The following GAPVD1 variants were observed in gnomAD, a reference collection of about 807,000 sequenced individuals.
GAPVD1 encodes the protein GTPase-activating protein and VPS9 domain-containing protein 1.
Under a neutral mutation model 155.5 loss-of-function variants are expected in GAPVD1, and 35 were observed. That is an observed-to-expected ratio of 0.23 (90% CI 0.17 to 0.30). The LOEUF is 0.30. Among genes scored for constraint, GAPVD1 ranks in the 10% least tolerant of loss-of-function variants. The pLI is 1.00. For missense variants in GAPVD1, 1,429 were observed against 1,775.7 expected (o/e 0.80, Z 3.51); for synonymous variants, 636 against 619.7 (o/e 1.03, Z -0.39).
At chr9:125,282,263 G>A (rs1410520079) in intron 2 of GAPVD1, among the ~76,000 whole-genome samples, 1 of 152,138 alleles carries the variant, frequency 6.6e-6, no homozygotes, top group African/African-American at 2.4e-5. Context: ...TGGCAACAGA[G>A]CGAGACTCCG....
Position 125,305,118 on chromosome 9 carries a change from G to A in GAPVD1, c.1085G>A (p.Arg362Gln), listed in dbSNP as rs763743929. ...ACTGGCTCTGAAGAGGGAGATCCCC[G>A]AACAAAGAGCAGCCTTGGAAAGTTT... Reference protein sequence around the residue: ...AMTGSEEGDPRTKSSLGKFDK... With the variant: ...AMTGSEEGDPQTKSSLGKFDK... Residue 362 changes from arginine (R) to glutamine (Q), a missense_variant, in exon 6 of 28, where the codon CGA becomes CAA. By Grantham distance (43) the Arg-to-Gln change is conservative. Transcript: ENST00000297933. 8.1e-6 allele frequency: 13 copies of A among 1,613,750 alleles called. No homozygotes were observed. Among genetic ancestry groups the A allele is most frequent in the East Asian group, 6.7e-5 (3 of 44,866 alleles).
chr9:125,310,020 G>C (rs1842436173), intron 8 of GAPVD1: 1 of 416,322 alleles, frequency 2.4e-6, no homozygotes, highest in African/African-American at 2.1e-5. Context: ...GTGGGTAATA[G>C]GCTGTTCTTC....
At chr9:125,350,532 A>G in intron 22 of GAPVD1, 128 bp downstream of exon 22, 1 of 733,920 alleles carries the variant, frequency 1.4e-6, no homozygotes, top group South Asian at 1.7e-5. Flanking sequence ...TTACATTAGT[A>G]TCACTTAAGG....
rs1479159171 is a variant in GAPVD1 at position 125,293,830 on chromosome 9, A to ATAT, written c.-149-1628_-149-1627insTAT. Among the ~76,000 whole-genome samples the ATAT allele has an allele frequency of 4.8e-4, 56 of 116,008 alleles. 2 individuals carry two copies. Among genetic ancestry groups the ATAT allele is most frequent in the African/African-American group, 1.8e-3 (52 of 28,238 alleles). The allele number at this position is 116,008 out of a possible 152,430, so 76.1% of individuals were successfully genotyped here. A position where few individuals can be genotyped will look rare whatever the true frequency, so the allele number is the denominator to read the frequency against. ...TATATTTATATATGAAATATAAAAA[A>ATAT]ATATATATATAAAAATATATTTTAT... On this transcript the variant is annotated intron_variant, in intron 2 of 27. Coordinates refer to ENST00000297933, the MANE Select transcript of GAPVD1 (RefSeq NM_001282680.3).
chr9:125,355,723 C>G lies in GAPVD1; in HGVS notation c.3837C>G (p.Ala1279=), dbSNP rs1032351271. The change falls in exon 25 of 28, where the codon GCC becomes GCG. Residue 1279 remains alanine (A), a synonymous_variant. Coordinates refer to ENST00000297933, the MANE Select transcript of GAPVD1 (RefSeq NM_001282680.3). ...DFLQFLYGAM[A]QDVIWQNASE... Reference sequence around the variant, plus strand: ...TGCAGTTTCTTTATGGTGCAATGGCCCAGGATGTCATATGGCAAAACGCGA... The same window carrying G: ...TGCAGTTTCTTTATGGTGCAATGGCGCAGGATGTCATATGGCAAAACGCGA... 10 of 1,613,056 alleles carry G rather than the reference C, an allele frequency of 6.2e-6. No individual in the cohort carries two copies. The highest frequency in any genetic ancestry group is 8.5e-6 in the Non-Finnish European group (10 of 1,179,206).
chr9:125,305,194 G>T (rs747408879), intron 6 of GAPVD1, 45 bp downstream of exon 6: 6 of 1,227,350 alleles, frequency 4.9e-6, no homozygotes, highest in African/African-American at 1.5e-5. Context: ...GTATTAGTGA[G>T]CCTAACTGTT....
intron 5 of GAPVD1, among the ~76,000 whole-genome samples, chr9:125,303,633 A>G (rs1841303896): frequency 6.6e-6 from 1 of 151,912 alleles, no homozygotes; most frequent in African/African-American, 2.4e-5. Context: ...AAAATTAGCC[A>G]GGTGTGGTGT....
chr9:125,281,435 C>T (rs1001454006), intron 2 of GAPVD1, among the ~76,000 whole-genome samples: 1 of 151,872 alleles, frequency 6.6e-6, no homozygotes, highest in African/African-American at 2.4e-5. Context: ...AGGTGGGAGC[C>T]ACTGTGCCCA....
chr9:125,310,720 T>C (rs934361226), intron 8 of GAPVD1, among the ~76,000 whole-genome samples: 2 of 151,706 alleles, frequency 1.3e-5, no homozygotes, highest in African/African-American at 4.8e-5. Context: ...GTATTTTTAG[T>C]AGAGATGGGT....
chr9:125,270,999 G>A (rs936575052), intron 2 of GAPVD1, among the ~76,000 whole-genome samples: 2 of 152,052 alleles, frequency 1.3e-5, no homozygotes, highest in African/African-American at 4.8e-5. Context: ...ACTACATAGG[G>A]GTTTCTATAA....
intron 10 of GAPVD1, among the ~76,000 whole-genome samples, chr9:125,322,460 C>CA (rs1296276513): frequency 4.6e-5 from 7 of 151,754 alleles, no homozygotes; most frequent in South Asian, 2.1e-4. Flanking sequence ...CTGACTTTTC[C>CA]AAAAAAATGA....
intron 2 of GAPVD1, among the ~76,000 whole-genome samples, chr9:125,274,279 A>G (rs1447028577): frequency 2.0e-5 from 3 of 151,920 alleles, no homozygotes; most frequent in Admixed American, 2.0e-4. Flanking sequence ...CGGCCTCTCA[A>G]AGTGTTGGGA....
At chr9:125,317,623 CT>C (rs755799414) in intron 9 of GAPVD1, among the ~76,000 whole-genome samples, 1,721 of 128,998 alleles carry the variant, frequency 0.013, 88 homozygotes, top group East Asian at 0.092. Context: ...GAAACTCTGT[CT>C]CAAAAAAAAA....
intron 1 of GAPVD1, among the ~76,000 whole-genome samples, chr9:125,264,691 C>T (rs1313728244): frequency 2.7e-5 from 4 of 150,736 alleles, no homozygotes; most frequent in Non-Finnish European, 4.4e-5. Flanking sequence ...TTACTGTTTG[C>T]TGGTTTTCTT....
rs1383372426 is a variant in GAPVD1, at chr9:125,323,625, C to T, written c.1733-173C>T. 3.3e-5 allele frequency among the ~76,000 whole-genome samples: 5 copies of T among 152,104 alleles called. 1 individual carries two copies. Among genetic ancestry groups the T allele is most frequent in the Admixed American group, 1.3e-4 (2 of 15,268 alleles). ...CAGCAGATTAATTTGTTATTAGCAC[C>T]TTAGGATAAATTCCTAGAAGCAGAA... is the stretch of plus-strand genomic sequence containing the variant. On this transcript the variant is annotated intron_variant, in intron 10 of 27. Coordinates refer to ENST00000297933, the MANE Select transcript of GAPVD1 (RefSeq NM_001282680.3).
chr9:125,283,004 C>T (rs1837026573), intron 2 of GAPVD1, among the ~76,000 whole-genome samples: 8 of 151,060 alleles, frequency 5.3e-5, no homozygotes, highest in Admixed American at 4.6e-4. Context: ...TGAATTCTAG[C>T]TGTTACTTAA....
chr9:125,312,574 G>A lies in GAPVD1; in HGVS notation c.1564G>A (p.Gly522Ser). ...EEVLVISLGT[G>S]PQLTPGMMSE... ...GGTGTTGGTCATTTCCTTAGGTACAGGTCCCCAGCTTACTCCAGGGATGAT... is the reference window on the plus strand; with the variant it reads ...GGTGTTGGTCATTTCCTTAGGTACAAGTCCCCAGCTTACTCCAGGGATGAT... The change falls in exon 9 of 28, where the codon GGT (glycine) becomes AGT (serine). Residue 522 changes from glycine to serine, a missense_variant. Coordinates refer to ENST00000297933, the MANE Select transcript of GAPVD1 (RefSeq NM_001282680.3). 1 of 1,598,518 alleles carries A rather than the reference G, an allele frequency of 6.3e-7. No individual in the cohort carries two copies. The highest frequency in any genetic ancestry group is 8.5e-7 in the Non-Finnish European group (1 of 1,175,822).
chr9:125,266,195 C>T (rs183547973), intron 1 of GAPVD1, among the ~76,000 whole-genome samples: 3 of 149,090 alleles, frequency 2.0e-5, no homozygotes, highest in Non-Finnish European at 3.0e-5. Flanking sequence ...TGCGCGATCT[C>T]GGCTCACTGC....
chr9:125,263,999 G>A (rs35216121), intron 1 of GAPVD1: 1 of 1,286,962 alleles, frequency 7.8e-7, no homozygotes, highest in South Asian at 1.2e-5. Flanking sequence ...GTTCTTGTCT[G>A]CCAGCTCTGG....
Sources: allele counts gnomAD v4.1 joint callset (sites outside exome capture counted in the v4.1 genomes callset), GRCh38; gene constraint gnomAD v4.1.1; transcripts MANE v1.5; gene names NCBI Gene and HGNC (gene_info 2026-07-23, HGNC 2026-07-21).